Variants in DNER observed in about 807,000 individuals in gnomAD.
DNER encodes delta/notch like EGF repeat containing.
Under a neutral mutation model 78.2 loss-of-function variants are expected in DNER, and 33 were observed. That is an observed-to-expected ratio of 0.42 (90% confidence interval 0.32 to 0.56). The LOEUF is 0.56. Ranked by LOEUF, DNER falls within the 20% of genes least tolerant of loss-of-function variation. DNER has a pLI of 0.11. For synonymous variants in DNER, 417 were observed against 384.8 expected (o/e 1.08, Z -0.98); for missense variants, 918 against 975.3 (o/e 0.94, Z 0.78).
At chr2:229,438,006 A>G (rs1365509852) in intron 8 of DNER, among the ~76,000 whole-genome samples, 1 of 152,232 alleles carries the variant, frequency 6.6e-6, no homozygotes, top group Non-Finnish European at 1.5e-5. Flanking sequence ...CATTTGAGTC[A>G]CAGGAAAGGA....
chr2:229,559,406 A>C (rs1217679066), intron 4 of DNER, among the ~76,000 whole-genome samples: 3 of 152,186 alleles, frequency 2.0e-5, no homozygotes, highest in Non-Finnish European at 4.4e-5. Flanking sequence ...TCATCATACT[A>C]GAAAAATCAA....
chr2:229,482,167 C>T (rs1051007093), intron 6 of DNER, among the ~76,000 whole-genome samples: 7 of 152,246 alleles, frequency 4.6e-5, no homozygotes, highest in African/African-American at 1.7e-4. Context: ...CCCCCATGGG[C>T]AGACCACAAG....
chr2:229,448,348 G>T (rs562929379), intron 7 of DNER, among the ~76,000 whole-genome samples: 102 of 152,314 alleles, frequency 6.7e-4, no homozygotes, highest in African/African-American at 2.4e-3. Context: ...TAGATAAATG[G>T]TTGCCTATGG....
chr2:229,419,394 G>T (rs1488277029), intron 8 of DNER, among the ~76,000 whole-genome samples: 1 of 152,194 alleles, frequency 6.6e-6, no homozygotes, highest in African/African-American at 2.4e-5. Flanking sequence ...CACACTGACT[G>T]TGTTCGTTCT....
chr2:229,588,338 C>T (rs1697537746), intron 3 of DNER, 56 bp downstream of exon 3: 3 of 1,548,726 alleles, frequency 1.9e-6, no homozygotes, highest in South Asian at 1.1e-5. Context: ...TGGACACAAC[C>T]CCACTTATAG....
At chr2:229,394,103 C>T (rs1013108443) in intron 10 of DNER, among the ~76,000 whole-genome samples, 3 of 152,098 alleles carry the variant, frequency 2.0e-5, no homozygotes, top group East Asian at 1.9e-4. Flanking sequence ...AGTGCAGAAG[C>T]GAAAGCAACT....
intron 8 of DNER, among the ~76,000 whole-genome samples, chr2:229,425,386 C>T (rs1376508871): frequency 6.6e-6 from 1 of 152,172 alleles, no homozygotes; most frequent in Non-Finnish European, 1.5e-5. Context: ...GCTCTTCCTA[C>T]TTTTCACATG....
intron 4 of DNER, among the ~76,000 whole-genome samples, chr2:229,560,094 T>A (rs1049055749): frequency 6.6e-6 from 1 of 152,238 alleles, no homozygotes; most frequent in Non-Finnish European, 1.5e-5. Context: ...CACAAAATGC[T>A]GGGCTTCAGG....
chr2:229,534,540 A>G (rs780059237), intron 5 of DNER, among the ~76,000 whole-genome samples: 9 of 152,248 alleles, frequency 5.9e-5, no homozygotes, highest in Non-Finnish European at 1.0e-4. Flanking sequence ...CAAATATCTG[A>G]AAGGCTATTA....
At chr2:229,549,780 A>C (rs1696695577) in intron 4 of DNER, among the ~76,000 whole-genome samples, 2 of 151,760 alleles carry the variant, frequency 1.3e-5, no homozygotes, top group African/African-American at 2.4e-5. Flanking sequence ...GCATGTTGGC[A>C]TGCGCCTGTA....
intron 1 of DNER, among the ~76,000 whole-genome samples, chr2:229,604,783 C>T (rs183833744): frequency 1.1e-3 from 161 of 152,288 alleles, no homozygotes; most frequent in African/African-American, 3.0e-3. Flanking sequence ...ACTCTAAAGT[C>T]TTTGGGTATC....
intron 4 of DNER, among the ~76,000 whole-genome samples, chr2:229,569,185 C>T (rs1196108985): frequency 2.0e-5 from 3 of 152,188 alleles, no homozygotes; most frequent in Admixed American, 1.3e-4. Context: ...ACAGGATACT[C>T]GTTCCAGGAA....
chr2:229,643,707 G>A (rs749900047), intron 1 of DNER, among the ~76,000 whole-genome samples: 8 of 152,146 alleles, frequency 5.3e-5, no homozygotes, highest in Non-Finnish European at 1.0e-4. Flanking sequence ...CTAACAGCCC[G>A]GAAAAGAATT....
intron 11 of DNER, among the ~76,000 whole-genome samples, chr2:229,380,074 G>A (rs368748047): frequency 6.6e-6 from 1 of 152,062 alleles, no homozygotes; most frequent in East Asian, 1.9e-4. Flanking sequence ...CAGGTAAGAA[G>A]CTAAATCATA....
intron 1 of DNER, among the ~76,000 whole-genome samples, chr2:229,600,405 AG>A (rs1414733848): frequency 6.6e-6 from 1 of 152,206 alleles, no homozygotes; most frequent in Admixed American, 6.5e-5. Context: ...GAGGGAAAAC[AG>A]GTAGGTGGGG....
At position 229,591,936 on chromosome 2, in the gene DNER, G is replaced by A. The variant is rs1361153286; in HGVS notation, c.277-48C>T. The A allele has an allele frequency of 1.4e-6, 2 of 1,453,050 alleles. No individual in the cohort carries two copies. Among genetic ancestry groups the A allele is most frequent in the South Asian group, 1.4e-5 (1 of 69,348 alleles). 90.0% of individuals were successfully genotyped at this position (1,453,050 alleles called of 1,614,324 possible). ...TCAATTATTCCCTCATAAGAAAAGT[G>A]GTGCCATCGCTGGGAAATTAGCTCT... On this transcript the variant is annotated intron_variant, in intron 1 of 12. Coordinates refer to ENST00000341772, the MANE Select transcript of DNER (RefSeq NM_139072.4). The surrounding 1 kb of genome is among the most constrained non-coding windows in gnomAD (Gnocchi z 4.6).
chr2:229,533,021 G>C (rs1696335033), intron 5 of DNER, among the ~76,000 whole-genome samples: 1 of 152,164 alleles, frequency 6.6e-6, no homozygotes, highest in Non-Finnish European at 1.5e-5. Context: ...GCTTTTAGTA[G>C]ATTGACCCAG....
chr2:229,617,338 C>G (rs916840480), intron 1 of DNER, among the ~76,000 whole-genome samples: 5 of 152,064 alleles, frequency 3.3e-5, no homozygotes, highest in African/African-American at 1.2e-4. Flanking sequence ...GCTTTGCTTC[C>G]CATTTAAATT....
At chr2:229,369,582 G>A (rs2106327513) in intron 11 of DNER, among the ~76,000 whole-genome samples, 1 of 152,272 alleles carries the variant, frequency 6.6e-6, no homozygotes, top group East Asian at 1.9e-4. Flanking sequence ...GTGGAGGAGG[G>A]AAGGATAAAG....
Sources: allele counts gnomAD v4.1 joint callset (sites outside exome capture counted in the v4.1 genomes callset), GRCh38; gene constraint gnomAD v4.1.1; non-coding constraint Gnocchi (gnomAD v3.1); transcripts MANE v1.5; gene names NCBI Gene and HGNC (gene_info 2026-07-23, HGNC 2026-07-21).